The following FOCAD variants were observed in gnomAD, a reference collection of about 807,000 sequenced individuals.
FOCAD encodes the protein KIAA1797.
A neutral mutation model predicts 225.6 loss-of-function variants in FOCAD; 198 were observed. That is an observed-to-expected ratio of 0.88 (90% CI 0.78 to 0.99). The LOEUF is 0.99. Ranked by LOEUF, FOCAD falls within the 50% of genes least tolerant of loss-of-function variation. FOCAD has a pLI of 0.00. For synonymous variants in FOCAD, 897 were observed against 755.0 expected, an observed-to-expected ratio of 1.19 and a Z score of -3.08; for missense variants, 2,713 against 2,123.6, an observed-to-expected ratio of 1.28 and a Z score of -5.46.
At position 20,916,898 on chromosome 9, in the gene FOCAD, G is replaced by A. The variant is rs779467045; in HGVS notation, c.2813G>A (p.Arg938Lys). 9 of 1,606,362 alleles carry A rather than the reference G, an allele frequency of 5.6e-6. No individual in the cohort carries two copies. The highest frequency in any genetic ancestry group is 2.2e-5 in the East Asian group (1 of 44,562). ...YKKSTAWLWV[R>K]DMLTDEITKA... ...ATTTTCCATCTTTATTGCAGGGTTA[G>A]AGACATGCTGACTGATGAGATCACC... is the stretch of plus-strand genomic sequence containing the variant. The change falls in exon 24 of 44, where the codon AGA becomes AAA. Residue 938 changes from arginine to lysine, a missense_variant. By Grantham distance (26) the Arg-to-Lys change is conservative. Transcript: ENST00000338382.
At chr9:20,835,741 G>C (rs1825933387) in intron 15 of FOCAD, among the ~76,000 whole-genome samples, 3 of 152,054 alleles carry the variant, frequency 2.0e-5, no homozygotes, top group African/African-American at 7.2e-5. Flanking sequence ...GGGAATGTGA[G>C]GCAGTGCCAC....
chr9:20,905,933 AT>A (rs35095102), intron 21 of FOCAD, among the ~76,000 whole-genome samples: 11 of 148,102 alleles, frequency 7.4e-5, no homozygotes, highest in Non-Finnish European at 7.5e-5. Context: ...ACTGTTTGAG[AT>A]TTTTTTTTTT....
chr9:20,658,113 C>T (rs569784883), upstream of FOCAD, among the ~76,000 whole-genome samples: 8 of 150,648 alleles, frequency 5.3e-5, no homozygotes, highest in African/African-American at 2.0e-4. Context: ...CAGGGACCCA[C>T]TTGAGGAGGC....
chr9:20,946,825 G>A lies in FOCAD; in HGVS notation c.3675+5G>A. ...TTAGTGGAGAATAGCCAGCAGGTTG[G>A]AACGTGTGCCCTGATTATTTCTCTC... On this transcript the variant is annotated splice_donor_5th_base_variant and intron_variant, in intron 30 of 43. Coordinates refer to ENST00000338382, the MANE Select transcript of FOCAD (RefSeq NM_001375567.1). 1 of 1,613,196 alleles carries A rather than the reference G, an allele frequency of 6.2e-7. No homozygotes were observed. Among genetic ancestry groups the A allele is most frequent in the Non-Finnish European group, 8.5e-7 (1 of 1,179,402 alleles).
Position 20,753,728 on chromosome 9 carries a change from T to A in FOCAD, c.393-4362T>A, listed in dbSNP as rs1040799707. Among the ~76,000 whole-genome samples, 3 of 152,138 alleles carry A rather than the reference T, an allele frequency of 2.0e-5. No individual in the cohort carries two copies. The South Asian group carries it at 6.2e-4, about 31-fold the overall frequency. ...TCCACTTCTATTTTCTTCTGAGATA[T>A]GGACATGGCTACATAACAGTAAATG... On this transcript the variant is annotated intron_variant, in intron 5 of 43. Coordinates refer to ENST00000338382, the MANE Select transcript of FOCAD (RefSeq NM_001375567.1).
At chr9:20,835,173 C>A (rs1825876433) in intron 15 of FOCAD, among the ~76,000 whole-genome samples, 1 of 151,980 alleles carries the variant, frequency 6.6e-6, no homozygotes, top group African/African-American at 2.4e-5. Flanking sequence ...TATTCTACTT[C>A]AGTAAATCAA....
chr9:20,692,192 C>T (rs1029356032), intron 1 of FOCAD, among the ~76,000 whole-genome samples: 2 of 152,142 alleles, frequency 1.3e-5, no homozygotes, highest in African/African-American at 2.4e-5. Context: ...ATATTTCAAA[C>T]TAAACTCTGA....
At chr9:20,862,188 G>T (rs1828830929) in intron 15 of FOCAD, among the ~76,000 whole-genome samples, 2 of 151,940 alleles carry the variant, frequency 1.3e-5, no homozygotes, top group African/African-American at 4.8e-5. Flanking sequence ...AAAAAATGTG[G>T]ATACCTGGCT....
chr9:20,891,534 A>C (rs1831614974), intron 21 of FOCAD, among the ~76,000 whole-genome samples: 1 of 152,224 alleles, frequency 6.6e-6, no homozygotes, highest in African/African-American at 2.4e-5. Flanking sequence ...AGAAACTTTT[A>C]GTGGTTTGGA....
chr9:20,758,054 A>G (rs1347872350), intron 5 of FOCAD, 36 bp from the exon 6 acceptor site: 1 of 1,458,264 alleles, frequency 6.9e-7, no homozygotes, highest in East Asian at 2.3e-5. Flanking sequence ...GTAGTCCTGA[A>G]TAACAGGTTC....
intron 15 of FOCAD, among the ~76,000 whole-genome samples, chr9:20,840,366 G>A (rs1021030549): frequency 6.6e-6 from 1 of 151,474 alleles, no homozygotes; most frequent in African/African-American, 2.4e-5. Context: ...AGCATTCATT[G>A]TAGATCTCTT....
At chr9:20,893,435 T>C (rs1831802125) in intron 21 of FOCAD, among the ~76,000 whole-genome samples, 1 of 152,166 alleles carries the variant, frequency 6.6e-6, no homozygotes, top group South Asian at 2.1e-4. Context: ...CCAAAAATGC[T>C]ACTATTAAAT....
chr9:20,772,595 G>T (rs377536219), intron 8 of FOCAD, among the ~76,000 whole-genome samples: 51 of 152,252 alleles, frequency 3.3e-4, no homozygotes, highest in African/African-American at 1.0e-3. Flanking sequence ...TAAAAGTAAG[G>T]GATGGAAAGT....
chr9:20,866,823 A>G, intron 17 of FOCAD, 106 bp from the exon 18 acceptor site: 1 of 640,236 alleles, frequency 1.6e-6, no homozygotes, highest in Non-Finnish European at 2.6e-6. Flanking sequence ...GGGATTGGTG[A>G]GGGAAGGTTT....
At chr9:20,672,388 C>T (rs1822090282) in intron 2 of FOCAD, among the ~76,000 whole-genome samples, 1 of 152,148 alleles carries the variant, frequency 6.6e-6, no homozygotes, top group South Asian at 2.1e-4. Flanking sequence ...TATGGCCTTT[C>T]TGCAACACAT....
intron 9 of FOCAD, among the ~76,000 whole-genome samples, chr9:20,780,398 A>G (rs1225391532): frequency 6.6e-6 from 1 of 152,226 alleles, no homozygotes. Context: ...AAGATAATAC[A>G]GTATCAAACA....
chr9:20,782,862 A>G (rs1352274800), intron 10 of FOCAD, among the ~76,000 whole-genome samples: 1 of 152,250 alleles, frequency 6.6e-6, no homozygotes, highest in Non-Finnish European at 1.5e-5. Flanking sequence ...AAACTGGCCC[A>G]TAATTATAGG....
At chr9:20,696,652 A>C (rs1823392328) in intron 1 of FOCAD, among the ~76,000 whole-genome samples, 1 of 152,120 alleles carries the variant, frequency 6.6e-6, no homozygotes, top group South Asian at 2.1e-4. Context: ...AGAAAATACA[A>C]AAATTAGCTG....
intron 8 of FOCAD, among the ~76,000 whole-genome samples, chr9:20,776,545 C>G (rs1423640973): frequency 2.6e-5 from 4 of 152,194 alleles, no homozygotes; most frequent in African/African-American, 9.6e-5. Context: ...TTTACTTTTC[C>G]TTATTTTTGA....
Sources: allele counts gnomAD v4.1 joint callset (sites outside exome capture counted in the v4.1 genomes callset), GRCh38; gene constraint gnomAD v4.1.1; transcripts MANE v1.5; gene names NCBI Gene and HGNC (gene_info 2026-07-23, HGNC 2026-07-21).